GLIS2: variants seen among roughly 807,000 people sequenced by gnomAD.
The protein encoded by GLIS2 is zinc finger protein GLIS2.
Under a neutral mutation model 35.6 loss-of-function variants are expected in GLIS2, and 14 were observed. The observed-to-expected ratio is 0.39, with a 90% CI of 0.26 to 0.61. The LOEUF (loss-of-function observed/expected upper bound fraction) is 0.61, where lower values mean the gene tolerates loss of function less well. GLIS2 is among the 20% of genes least tolerant of loss of function. The probability of loss-of-function intolerance (pLI) is 0.48; values close to 1 mark genes in which losing one functional copy is unlikely to be tolerated. For missense variants in GLIS2, 675 were observed against 713.4 expected, an observed-to-expected ratio of 0.95 and a Z score of 0.61; for synonymous variants, 368 against 325.1, an observed-to-expected ratio of 1.13 and a Z score of -1.42.
At chr16:4,321,484 G>A (rs2053379126) in intron 1 of GLIS2, among the ~76,000 whole-genome samples, 3 of 152,260 alleles carry the variant, frequency 2.0e-5, no homozygotes, top group Non-Finnish European at 2.9e-5. Context: ...AGTGCCAGGT[G>A]TTGGGATATG....
In GLIS2 at chr16:4,320,380, C is replaced by G. The variant is rs546185170; in HGVS notation, c.-67+4126C>G. Among the ~76,000 whole-genome samples the G allele has an allele frequency of 1.3e-5, 2 of 152,142 alleles. No homozygotes were observed. The highest frequency in any genetic ancestry group is 4.1e-4 in the South Asian group (2 of 4,824). The stretch of plus-strand genomic sequence containing the variant: ...ACAGCACGCTCCCAGGGCAGCCTCG[C>G]TTGGACCCTGGTAGTCAAGAGGTCG... On this transcript the variant is annotated intron_variant, in intron 1 of 6. Transcript: ENST00000433375. This position sits in a 1 kb window ranked among gnomAD's most constrained non-coding sequence, Gnocchi z 5.6.
chr16:4,324,674 A>T (rs563733348), intron 1 of GLIS2: 1 of 152,292 alleles, frequency 6.6e-6, no homozygotes, highest in East Asian at 1.9e-4. Context: ...CGTTTTATTA[A>T]GCACCTACTA....
chr16:4,321,172 G>A (rs993741414), intron 1 of GLIS2, among the ~76,000 whole-genome samples: 2 of 152,174 alleles, frequency 1.3e-5, no homozygotes, highest in African/African-American at 4.8e-5. Flanking sequence ...CTGGGAGGGC[G>A]TGGCAGGAGA....
At chr16:4,327,160 C>T (rs1044258712) in intron 1 of GLIS2, among the ~76,000 whole-genome samples, 1 of 152,228 alleles carries the variant, frequency 6.6e-6, no homozygotes, top group South Asian at 2.1e-4. Flanking sequence ...TCCCAATGTG[C>T]TGGGCTTACA....
chr16:4,325,244 A>G (rs959013636), intron 1 of GLIS2: 2 of 152,328 alleles, frequency 1.3e-5, no homozygotes, highest in Admixed American at 6.5e-5. Flanking sequence ...GGAAGGGCCA[A>G]TAGTGAACAT....
chr16:4,323,632 T>A (rs1368416630), intron 1 of GLIS2, among the ~76,000 whole-genome samples: 4 of 152,078 alleles, frequency 2.6e-5, no homozygotes, highest in Admixed American at 6.5e-5. Context: ...GAGAAGGAAG[T>A]GCCTCTGGTG....
rs553697718 is a variant in GLIS2 at position 4,337,752 on chromosome 16, T to C, written c.*228T>C. On this transcript the variant is annotated 3_prime_UTR_variant, in exon 7 of 7. Coordinates refer to ENST00000433375, the MANE Select transcript of GLIS2 (RefSeq NM_032575.3). Reference sequence around the variant, plus strand: ...AGCTGTGCTCCTGGGTGCTGAAGCCTCGCTCCTGTCTGTCCCCCACCACCT... The same window carrying C: ...AGCTGTGCTCCTGGGTGCTGAAGCCCCGCTCCTGTCTGTCCCCCACCACCT... The C allele has an allele frequency of 1.4e-4, 89 of 634,700 alleles. No individual in the cohort carries two copies. In the African/African-American group the frequency reaches 1.6e-3, roughly 11 times the overall value. The allele number at this position is 634,700 out of a possible 1,614,324, so 39.3% of individuals were successfully genotyped here. A position where few individuals can be genotyped will look rare whatever the true frequency, so the allele number is the denominator to read the frequency against.
At chr16:4,321,921 G>A (rs1567217367) in intron 1 of GLIS2, among the ~76,000 whole-genome samples, 1 of 152,216 alleles carries the variant, frequency 6.6e-6, no homozygotes. Context: ...GGGACAGCCT[G>A]CCTCCAGCGG....
At chr16:4,328,350 T>G (rs2053460474) in intron 1 of GLIS2, 1 of 152,312 alleles carries the variant, frequency 6.6e-6, no homozygotes, top group Admixed American at 6.5e-5. Flanking sequence ...CCTGCCCCCT[T>G]CACCCAGCCG....
rs1013843286 is a variant in GLIS2, at chr16:4,327,819, C to T, written c.-66-4396C>T. 3.9e-5 allele frequency among the ~76,000 whole-genome samples: 6 copies of T among 151,956 alleles called. No homozygotes were observed. In the East Asian group the frequency reaches 7.7e-4, roughly 20 times the overall value. On this transcript the variant is annotated intron_variant, in intron 1 of 6. Transcript: ENST00000433375. Reference sequence around the variant, plus strand: ...CGCAGCCGCTTCCTCCCGCTCGCCCCGCTCTAATTAGTTCCTTTTGCAGCT... The same window carrying T: ...CGCAGCCGCTTCCTCCCGCTCGCCCTGCTCTAATTAGTTCCTTTTGCAGCT...
chr16:4,321,988 C>A (rs879918811), intron 1 of GLIS2, among the ~76,000 whole-genome samples: 1 of 152,200 alleles, frequency 6.6e-6, no homozygotes, highest in African/African-American at 2.4e-5. Context: ...GACCCACAGC[C>A]TGTGTGCAGC....
chr16:4,326,714 C>G (rs529084181), intron 1 of GLIS2, among the ~76,000 whole-genome samples: 1 of 151,638 alleles, frequency 6.6e-6, no homozygotes, highest in African/African-American at 2.4e-5. Flanking sequence ...CTCAGCCTCC[C>G]GAGTAGCTGG....
Position 4,333,449 on chromosome 16 carries a change from C to T in GLIS2, c.275C>T (p.Pro92Leu), listed in dbSNP as rs1208136034. 9 of 1,612,818 alleles carry T rather than the reference C, an allele frequency of 5.6e-6. No homozygotes were observed. The highest frequency in any genetic ancestry group is 7.6e-6 in the Non-Finnish European group (9 of 1,179,970). The change falls in exon 3 of 7, where the codon CCC becomes CTC. Residue 92 changes from proline (P) to leucine (L), a missense_variant. By Grantham distance (98) the Pro-to-Leu change is moderately conservative. Transcript: ENST00000433375. ...TCACCACCATCTGGGCTGGACTCCC[C>T]CAATGGCAGCAGCTCGCTGTCCCCC... ...SLSPPSGLDS[P>L]NGSSSLSPER...
rs2053512593 is a variant in GLIS2, at chr16:4,332,877, C to T, written c.172+425C>T. Among the ~76,000 whole-genome samples, 1 of 152,136 alleles carries T rather than the reference C, an allele frequency of 6.6e-6. No individual in the cohort carries two copies. The highest frequency in any genetic ancestry group is 6.5e-5 in the Admixed American group (1 of 15,268). On this transcript the variant is annotated intron_variant, in intron 2 of 6. Transcript: ENST00000433375. The surrounding 1 kb of genome is among the most constrained non-coding windows in gnomAD (Gnocchi z 5.4). ...GGTGGTGGGCACCACTTCTGCCCTG[C>T]CTCCAAGAGCAGAGTCACCCGAAAA...
At position 4,333,429 on chromosome 16, in the gene GLIS2, A is replaced by G; in HGVS notation, c.255A>G (p.Pro85=). 6.2e-7 allele frequency: 1 copy of G among 1,612,534 alleles called. No individual in the cohort carries two copies. The highest frequency in any genetic ancestry group is 8.5e-7 in the Non-Finnish European group (1 of 1,179,850). Residue 85 remains proline, a synonymous_variant, in exon 3 of 7, where the codon CCA becomes CCG. Coordinates refer to ENST00000433375, the MANE Select transcript of GLIS2 (RefSeq NM_032575.3). ...CTCTCGTGGACCTCAGCCTGTCACC[A>G]CCATCTGGGCTGGACTCCCCCAATG... ...AAPLVDLSLS[P]PSGLDSPNGS... is the part of the protein sequence containing the mutation.
In GLIS2 at chr16:4,335,570, G is replaced by A. The variant is rs1452018590; in HGVS notation, c.775+177G>A. Among the ~76,000 whole-genome samples the A allele has an allele frequency of 2.0e-5, 3 of 152,178 alleles. No homozygotes were observed. Among genetic ancestry groups the A allele is most frequent in the African/African-American group, 7.2e-5 (3 of 41,432 alleles). On this transcript the variant is annotated intron_variant, in intron 6 of 6. Coordinates refer to ENST00000433375, the MANE Select transcript of GLIS2 (RefSeq NM_032575.3). The surrounding 1 kb of genome is among the most constrained non-coding windows in gnomAD (Gnocchi z 4.6). ...CAGTTTGCTAGGGGAAGCATCCCCT[G>A]GGGGTCAGACCCCCACCCAGCACCT...
Position 4,335,399 on chromosome 16 carries a change from A to AGGCCGG in GLIS2, c.775+14_775+19dup. 6.2e-7 allele frequency: 1 copy of AGGCCGG among 1,613,256 alleles called. No homozygotes were observed. Among genetic ancestry groups the AGGCCGG allele is most frequent in the Non-Finnish European group, 8.5e-7 (1 of 1,179,894 alleles). On this transcript the variant is annotated splice_region_variant and intron_variant, in intron 6 of 6. Coordinates refer to ENST00000433375, the MANE Select transcript of GLIS2 (RefSeq NM_032575.3). This position sits in a 1 kb window ranked among gnomAD's most constrained non-coding sequence, Gnocchi z 4.6. ...CCACAACCGGTCGCACACAGGTAAG[A>AGGCCGG]GGCCGGGGCCGGGCGGCTTGGCCCA...
intron 2 of GLIS2, among the ~76,000 whole-genome samples, chr16:4,333,048 G>T (rs2053514191): frequency 1.3e-5 from 2 of 152,152 alleles, no homozygotes; most frequent in Admixed American, 1.3e-4. Flanking sequence ...GGACCCAGGG[G>T]CCCTGGGTTC....
intron 1 of GLIS2, among the ~76,000 whole-genome samples, chr16:4,319,914 G>A (rs1321519952): frequency 6.6e-6 from 1 of 152,144 alleles, no homozygotes; most frequent in African/African-American, 2.4e-5. Flanking sequence ...TGGTTAGCTG[G>A]TGGCCAGGCT....
Sources: gnomAD v4.1 joint callset for allele counts (sites outside exome capture counted in the v4.1 genomes callset) on GRCh38, gnomAD v4.1.1 for gene constraint, Gnocchi (gnomAD v3.1) non-coding constraint, MANE v1.5 for transcripts, NCBI Gene and HGNC (gene_info 2026-07-23, HGNC 2026-07-21) for gene names.